Variants in ADAMTS17 observed in about 807,000 individuals in gnomAD.
ADAMTS17 encodes A disintegrin and metalloproteinase with thrombospondin motifs 17.
ADAMTS17 carries 113 observed loss-of-function variants against 141.5 expected under a neutral mutation model. That is an observed-to-expected ratio of 0.80 (90% confidence interval 0.69 to 0.93). The LOEUF (loss-of-function observed/expected upper bound fraction) is 0.93. Ranked by LOEUF, ADAMTS17 falls within the 40% of genes least tolerant of loss-of-function variation. The probability of loss-of-function intolerance (pLI) is 0.00; values close to 1 mark genes in which losing one functional copy is unlikely to be tolerated. For missense variants in ADAMTS17, 1,659 were observed against 1,517.9 expected (o/e 1.09, Z -1.54); for synonymous variants, 768 against 630.6 (o/e 1.22, Z -3.27).
At chr15:100,164,906 G>C (rs1403624852) in intron 8 of ADAMTS17, among the ~76,000 whole-genome samples, 1 of 152,174 alleles carries the variant, frequency 6.6e-6, no homozygotes, top group East Asian at 1.9e-4. Context: ...ACCTCTGAAG[G>C]ACAATCACTA....
rs199621939 is a variant in ADAMTS17 at position 100,281,295 on chromosome 15, G to A, written c.723C>T (p.Asp241=). 32 of 1,609,028 alleles carry A rather than the reference G, an allele frequency of 2.0e-5. No homozygotes were observed. The highest frequency in any genetic ancestry group is 1.7e-4 in the Middle Eastern group (1 of 5,742). The part of the protein sequence containing the change: ...EHTVETLVVA[D]ADMVQYHGAE... ...CCCCGTGGTACTGCACCATGTCGGCGTCGGCCACCACCAGGGTCTCCACCG... is the reference window on the plus strand; with the variant it reads ...CCCCGTGGTACTGCACCATGTCGGCATCGGCCACCACCAGGGTCTCCACCG... The change falls in exon 4 of 22, where the codon GAC becomes GAT. Residue 241 remains aspartate, a synonymous_variant. Coordinates refer to ENST00000268070, the MANE Select transcript of ADAMTS17 (RefSeq NM_139057.4).
At chr15:100,181,912 G>C (rs983239857) in intron 8 of ADAMTS17, among the ~76,000 whole-genome samples, 1 of 152,170 alleles carries the variant, frequency 6.6e-6, no homozygotes, top group Non-Finnish European at 1.5e-5. Context: ...CAGTCCTTGT[G>C]GCCCAAACTG....
At chr15:100,254,049 G>T (rs974379434) in intron 7 of ADAMTS17, 87 bp downstream of exon 7, 5 of 1,304,328 alleles carry the variant, frequency 3.8e-6, no homozygotes, top group Non-Finnish European at 5.6e-6. Context: ...CTTGTTTGAG[G>T]ACAGCTCCTC....
chr15:100,319,507 G>A (rs967138058), intron 3 of ADAMTS17, among the ~76,000 whole-genome samples: 1 of 152,156 alleles, frequency 6.6e-6, no homozygotes, highest in Non-Finnish European at 1.5e-5. Context: ...TCAGGAGTTT[G>A]AGAACAGCCT....
At chr15:100,159,616 A>G (rs1473218862) in intron 8 of ADAMTS17, among the ~76,000 whole-genome samples, 1 of 152,246 alleles carries the variant, frequency 6.6e-6, no homozygotes, top group Admixed American at 6.5e-5. Flanking sequence ...GTCTCATGAA[A>G]AAAGTGGCTC....
intron 6 of ADAMTS17, among the ~76,000 whole-genome samples, chr15:100,260,636 CAA>C (rs1455430777): frequency 6.7e-6 from 1 of 150,332 alleles, no homozygotes; most frequent in Non-Finnish European, 1.5e-5. Context: ...AACCAAAAAA[CAA>C]AAAACAAAAC....
chr15:100,092,651 C>G (rs1173958223), intron 15 of ADAMTS17, among the ~76,000 whole-genome samples: 1 of 152,200 alleles, frequency 6.6e-6, no homozygotes, highest in Non-Finnish European at 1.5e-5. Flanking sequence ...AGCATGGAAC[C>G]TGGCATGTGG....
At chr15:99,984,796 G>C (rs1386279525) in intron 20 of ADAMTS17, among the ~76,000 whole-genome samples, 1 of 152,216 alleles carries the variant, frequency 6.6e-6, no homozygotes, top group Non-Finnish European at 1.5e-5. Flanking sequence ...GATGTCTTCT[G>C]ACTTACCAGC....
rs2046352186 is a variant in ADAMTS17, at chr15:100,341,133, C to T, written c.356G>A (p.Gly119Asp). The T allele has an allele frequency of 2.1e-6, 3 of 1,434,196 alleles. No individual in the cohort carries two copies. Among genetic ancestry groups the T allele is most frequent in the Admixed American group, 2.8e-5 (1 of 35,250 alleles). 88.8% of individuals were successfully genotyped at this position (1,434,196 alleles called of 1,614,324 possible). ...VEEAGAARRR[G>D]RPAELCFYSG... ...GTAGAAGCACAGCTCGGCGGGGCGGCCGCGGCGCCGGGCCGCGCCCGCCTC... is the reference window on the plus strand; with the variant it reads ...GTAGAAGCACAGCTCGGCGGGGCGGTCGCGGCGCCGGGCCGCGCCCGCCTC... The change falls in exon 2 of 22, where the codon GGC (glycine) becomes GAC (aspartate). Residue 119 changes from glycine (G) to aspartate (D), a missense_variant. Gly to Asp is a moderately conservative substitution (Grantham distance 94). Transcript: ENST00000268070.
intron 7 of ADAMTS17, among the ~76,000 whole-genome samples, chr15:100,219,484 C>T (rs1482356275): frequency 6.6e-6 from 1 of 152,116 alleles, no homozygotes. Context: ...GAACTTAAAA[C>T]AGGAAAATCG....
rs57372602 is a variant in ADAMTS17, at chr15:100,135,286, C to CTT, written c.1474-1973_1474-1972dup. Among the ~76,000 whole-genome samples the CTT allele has an allele frequency of 7.0e-3, 1,015 of 145,124 alleles. 4 individuals are homozygous for CTT. Among genetic ancestry groups the CTT allele is most frequent in the Non-Finnish European group, 9.0e-3 (598 of 66,100 alleles). On this transcript the variant is annotated intron_variant, in intron 10 of 21. Coordinates refer to ENST00000268070, the MANE Select transcript of ADAMTS17 (RefSeq NM_139057.4). Reference sequence around the variant, plus strand: ...AATTACACCATATTAAAATTAACAACTTTTTTTTTTTTTTTGAGACAGAGT... The same window carrying CTT: ...AATTACACCATATTAAAATTAACAACTTTTTTTTTTTTTTTTTGAGACAGAGT...
chr15:99,983,314 C>T (rs752826453), intron 20 of ADAMTS17, among the ~76,000 whole-genome samples: 13 of 152,080 alleles, frequency 8.5e-5, no homozygotes, highest in East Asian at 1.9e-4. Flanking sequence ...GGGGATGCGG[C>T]GCCACCTTTC....
chr15:100,018,216 ATC>A lies in ADAMTS17; in HGVS notation c.2592-20629_2592-20628del, dbSNP rs554531776. On this transcript the variant is annotated intron_variant, in intron 18 of 21. Coordinates refer to ENST00000268070, the MANE Select transcript of ADAMTS17 (RefSeq NM_139057.4). ...ACTTAGCGTAATGTCCTCAATGTGC[ATC>A]TGTGTCGTAGCCTGTGTCAGCATTC... is the stretch of plus-strand genomic sequence containing the variant. Among the ~76,000 whole-genome samples, 18 of 152,360 alleles carry A rather than the reference ATC, an allele frequency of 1.2e-4. 2 individuals carry two copies. The South Asian group carries it at 3.7e-3, about 32-fold the overall frequency.
At chr15:100,218,644 T>C (rs12901425) in intron 7 of ADAMTS17, among the ~76,000 whole-genome samples, 16,756 of 152,202 alleles carry the variant, frequency 0.11, 1,258 homozygotes, top group East Asian at 0.29. Context: ...GTGTAGACAC[T>C]CCCCATAGGA....
intron 3 of ADAMTS17, among the ~76,000 whole-genome samples, chr15:100,292,219 T>TG (rs2142130707): frequency 6.6e-6 from 1 of 150,716 alleles, no homozygotes; most frequent in East Asian, 1.9e-4. Context: ...GCTCACCCCG[T>TG]GGGGAATCAC....
intron 12 of ADAMTS17, 66 bp from the exon 13 acceptor site, chr15:100,117,079 G>C: frequency 6.5e-7 from 1 of 1,528,056 alleles, no homozygotes; most frequent in Non-Finnish European, 8.8e-7. Flanking sequence ...AGCTGTTTCC[G>C]TCTCTCTTGC....
intron 4 of ADAMTS17, among the ~76,000 whole-genome samples, chr15:100,269,023 G>A (rs1427006907): frequency 6.6e-6 from 1 of 152,014 alleles, no homozygotes; most frequent in Non-Finnish European, 1.5e-5. Context: ...ACAAAAATAA[G>A]CAATAGGGAA....
At chr15:100,081,078 G>A (rs528940779) in intron 15 of ADAMTS17, among the ~76,000 whole-genome samples, 81 of 152,320 alleles carry the variant, frequency 5.3e-4, no homozygotes, top group African/African-American at 1.9e-3. Flanking sequence ...TTTGGGTCAG[G>A]GGGCTGGGGA....
chr15:100,005,073 G>C (rs2061012300), intron 18 of ADAMTS17, among the ~76,000 whole-genome samples: 1 of 152,174 alleles, frequency 6.6e-6, no homozygotes, highest in Non-Finnish European at 1.5e-5. Context: ...TAATTCTTTA[G>C]GAAGTCACAG....
Sources: allele counts gnomAD v4.1 joint callset (sites outside exome capture counted in the v4.1 genomes callset), GRCh38; gene constraint gnomAD v4.1.1; transcripts MANE v1.5; gene names NCBI Gene and HGNC (gene_info 2026-07-23, HGNC 2026-07-21).